MFHAS1: variants seen among roughly 807,000 people sequenced by gnomAD.
MFHAS1 encodes multifunctional ROCO family signaling regulator 1.
Under a neutral mutation model 70.4 loss-of-function variants are expected in MFHAS1, and 50 were observed. The observed-to-expected ratio is 0.71, with a 90% CI of 0.57 to 0.90. MFHAS1 has a LOEUF of 0.90. Ranked by LOEUF, MFHAS1 falls within the 40% of genes least tolerant of loss-of-function variation. MFHAS1 has a pLI of 0.00. For synonymous variants in MFHAS1, 952 were observed against 620.0 expected (o/e 1.54, Z -7.96); for missense variants, 1,795 against 1,347.6 (o/e 1.33, Z -5.20).
chr8:8,809,391 G>A (rs1320842089), intron 1 of MFHAS1, among the ~76,000 whole-genome samples: 1 of 152,062 alleles, frequency 6.6e-6, no homozygotes, highest in African/African-American at 2.4e-5. Context: ...CCTGCCCTTT[G>A]TTGCTCTACA....
intron 1 of MFHAS1, among the ~76,000 whole-genome samples, chr8:8,826,625 C>T (rs1807173421): frequency 6.6e-6 from 1 of 152,050 alleles, no homozygotes; most frequent in Non-Finnish European, 1.5e-5. Flanking sequence ...CCCAGCTACT[C>T]GGGAGGCTGA....
chr8:8,878,972 A>G (rs1809402311), intron 1 of MFHAS1, among the ~76,000 whole-genome samples: 1 of 152,236 alleles, frequency 6.6e-6, no homozygotes, highest in Admixed American at 6.5e-5. Flanking sequence ...TGGAGTCAGC[A>G]TTCATATAGT....
chr8:8,797,280 A>G (rs989027982), intron 2 of MFHAS1, 85 bp downstream of exon 2: 11 of 1,512,246 alleles, frequency 7.3e-6, no homozygotes, highest in African/African-American at 1.4e-5. Flanking sequence ...GTGCAGATGC[A>G]GTTTAACCTG....
rs191687717 is a variant in MFHAS1, at chr8:8,840,101, C to T, written c.2999-42610G>A. On this transcript the variant is annotated intron_variant, in intron 1 of 2. Coordinates refer to ENST00000276282, the MANE Select transcript of MFHAS1 (RefSeq NM_004225.3). ...ATCCATCAAAAGACATATCCAAGCA[C>T]CTACTGTTCCAACCCCACTGCCACT... Among the ~76,000 whole-genome samples, 3 of 151,882 alleles carry T rather than the reference C, an allele frequency of 2.0e-5. No individual in the cohort carries two copies. The East Asian group carries it at 5.8e-4, about 29-fold the overall frequency.
At chr8:8,847,588 G>A (rs1376167626) in intron 1 of MFHAS1, among the ~76,000 whole-genome samples, 1 of 152,178 alleles carries the variant, frequency 6.6e-6, no homozygotes, top group Non-Finnish European at 1.5e-5. Flanking sequence ...GACAGCTGGT[G>A]GTTATATACT....
chr8:8,883,130 G>A (rs1472559667), intron 1 of MFHAS1, among the ~76,000 whole-genome samples: 1 of 152,088 alleles, frequency 6.6e-6, no homozygotes, highest in Non-Finnish European at 1.5e-5. Context: ...TCCAGCCTGG[G>A]CGCCAGAGCA....
At chr8:8,867,076 T>C (rs1272926890) in intron 1 of MFHAS1, among the ~76,000 whole-genome samples, 2 of 152,196 alleles carry the variant, frequency 1.3e-5, no homozygotes, top group African/African-American at 4.8e-5. Flanking sequence ...CAGCTACACA[T>C]AATATATTAA....
At chr8:8,880,684 G>T (rs867982003) in intron 1 of MFHAS1, among the ~76,000 whole-genome samples, 98 of 114,880 alleles carry the variant, frequency 8.5e-4, no homozygotes, top group African/African-American at 3.6e-3. Context: ...TTCCTTTTTT[G>T]TTTTTTTTTT....
intron 1 of MFHAS1, among the ~76,000 whole-genome samples, chr8:8,872,148 G>C (rs565508330): frequency 4.5e-4 from 68 of 152,342 alleles, no homozygotes; most frequent in African/African-American, 1.6e-3. Context: ...GGGAGCATGT[G>C]ACTGTGCACG....
At chr8:8,821,673 T>A (rs1267197608) in intron 1 of MFHAS1, 2 of 152,240 alleles carry the variant, frequency 1.3e-5, no homozygotes, top group Non-Finnish European at 2.9e-5. Context: ...TAAATCCTCC[T>A]CTGCCTCCAA....
chr8:8,848,696 C>A (rs1004718439), intron 1 of MFHAS1, among the ~76,000 whole-genome samples: 15 of 152,120 alleles, frequency 9.9e-5, no homozygotes, highest in African/African-American at 3.6e-4. Flanking sequence ...AGAGAATGGA[C>A]AAAGATTTTG....
At chr8:8,798,839 G>C (rs1805991325) in intron 1 of MFHAS1, among the ~76,000 whole-genome samples, 1 of 152,230 alleles carries the variant, frequency 6.6e-6, no homozygotes, top group Admixed American at 6.5e-5. Flanking sequence ...ACAAGGTCAG[G>C]AGTTCGAGAC....
Position 8,869,667 on chromosome 8 carries a change from CT to C in MFHAS1, c.2998+20393del, listed in dbSNP as rs571440439. ...CCACATCAGTCCTGTTGAAATTAAT[CT>C]TATCAAATCACTTCCGCTTTCTGTT... On this transcript the variant is annotated intron_variant, in intron 1 of 2. Coordinates refer to ENST00000276282, the MANE Select transcript of MFHAS1 (RefSeq NM_004225.3). 3.7e-4 allele frequency among the ~76,000 whole-genome samples: 56 copies of C among 152,276 alleles called. 1 individual carries two copies. The South Asian group carries it at 0.012, about 32-fold the overall frequency.
At position 8,892,107 on chromosome 8, in the gene MFHAS1, G is replaced by A. The variant is rs1585079113; in HGVS notation, c.952C>T (p.Leu318=). Reference sequence around the variant, plus strand: ...AGCCACAAGGTGAGAAGCCGGCCCAGGCCCGAGATAAGGGATGGCACCGAG... The same window carrying A: ...AGCCACAAGGTGAGAAGCCGGCCCAAGCCCGAGATAAGGGATGGCACCGAG... ...LTSVPSLISG[L]GRLLTLWLDN... is the part of the protein sequence containing the mutation. The change falls in exon 1 of 3, where the codon CTG becomes TTG. Residue 318 remains leucine, a synonymous_variant. Transcript: ENST00000276282. The surrounding 1 kb of genome is among the most constrained non-coding windows in gnomAD (Gnocchi z 4.7). The A allele has an allele frequency of 6.2e-7, 1 of 1,613,236 alleles. No homozygotes were observed. Among genetic ancestry groups the A allele is most frequent in the Non-Finnish European group, 8.5e-7 (1 of 1,180,032 alleles).
intron 1 of MFHAS1, among the ~76,000 whole-genome samples, chr8:8,811,327 A>ATTTT (rs1806538963): frequency 2.9e-5 from 4 of 140,342 alleles, no homozygotes; most frequent in African/African-American, 1.2e-4. Context: ...TTTTTTTTTG[A>ATTTT]GATAGGGTCT....
chr8:8,891,919 G>C lies in MFHAS1; in HGVS notation c.1140C>G (p.Pro380=). 1 of 1,610,756 alleles carries C rather than the reference G, an allele frequency of 6.2e-7. No individual in the cohort carries two copies. The highest frequency in any genetic ancestry group is 2.2e-5 in the East Asian group (1 of 44,850). ...TCCCCTTCATGCAGACCTCGTAGGG[G>C]GGCTGGATCAGTGGGTTGTCTTTGA... ...WKIKDNPLIQ[P]PYEVCMKGIP... Residue 380 remains proline (P), a synonymous_variant, in exon 1 of 3, where the codon CCC becomes CCG. Transcript: ENST00000276282. This position sits in a 1 kb window ranked among gnomAD's most constrained non-coding sequence, Gnocchi z 5.4.
At chr8:8,797,869 T>C (rs1050946924) in intron 1 of MFHAS1, among the ~76,000 whole-genome samples, 1 of 152,068 alleles carries the variant, frequency 6.6e-6, no homozygotes, top group South Asian at 2.1e-4. Flanking sequence ...CAAGGAGGTG[T>C]TCATAATTAG....
intron 1 of MFHAS1, among the ~76,000 whole-genome samples, chr8:8,804,171 C>A (rs12544992): frequency 5.9e-5 from 9 of 151,866 alleles, no homozygotes; most frequent in Middle Eastern, 3.4e-3. Context: ...TGAATATATC[C>A]TAAGGTATGG....
chr8:8,846,284 G>A (rs1175936922), intron 1 of MFHAS1, among the ~76,000 whole-genome samples: 1 of 125,906 alleles, frequency 7.9e-6, no homozygotes, highest in African/African-American at 3.1e-5. Flanking sequence ...AGGAGGAGGA[G>A]GGGGAGGAGG....
Sources: gnomAD v4.1 joint callset for allele counts (sites outside exome capture counted in the v4.1 genomes callset) on GRCh38, gnomAD v4.1.1 for gene constraint, Gnocchi (gnomAD v3.1) non-coding constraint, MANE v1.5 for transcripts, NCBI Gene and HGNC (gene_info 2026-07-23, HGNC 2026-07-21) for gene names.